The following CHDH variants were observed in gnomAD, a reference collection of about 807,000 sequenced individuals.
CHDH encodes the protein choline dehydrogenase, mitochondrial.
CHDH carries 43 observed loss-of-function variants against 56.9 expected under a neutral mutation model. That is an observed-to-expected ratio of 0.76 (90% CI 0.59 to 0.97). The LOEUF (loss-of-function observed/expected upper bound fraction) is 0.97, where lower values mean the gene tolerates loss of function less well. Ranked by LOEUF, CHDH falls within the 50% of genes least tolerant of loss-of-function variation. The pLI is 0.00. For missense variants in CHDH, 816 were observed against 821.1 expected, an observed-to-expected ratio of 0.99 and a Z score of 0.08; for synonymous variants, 364 against 348.5, an observed-to-expected ratio of 1.04 and a Z score of -0.50.
At chr3:53,839,915 A>T (rs1442580742) in intron 2 of CHDH, among the ~76,000 whole-genome samples, 1 of 152,218 alleles carries the variant, frequency 6.6e-6, no homozygotes, top group Admixed American at 6.5e-5. Flanking sequence ...ATTTGCAGCA[A>T]CACTGATGGA....
At chr3:53,820,048 G>A (rs2095623248) in intron 6 of CHDH, among the ~76,000 whole-genome samples, 1 of 152,180 alleles carries the variant, frequency 6.6e-6, no homozygotes, top group Admixed American at 6.5e-5. Context: ...CCATTTCCTG[G>A]CCCAGGCACA....
Position 53,819,381 on chromosome 3 carries a change from TG to T in CHDH, c.1263+150del. The T allele has an allele frequency of 9.6e-7, 1 of 1,041,684 alleles. No individual in the cohort carries two copies. The highest frequency in any genetic ancestry group is 1.4e-6 in the Non-Finnish European group (1 of 710,506). 64.5% of individuals were successfully genotyped at this position (1,041,684 alleles called of 1,614,324 possible). ...GCATGCACCACGCAGACTGACACGC[TG>T]GGCAGCTGGAAGGCAGGGGACAGGC... is the stretch of plus-strand genomic sequence containing the variant. On this transcript the variant is annotated intron_variant, in intron 7 of 8. Coordinates refer to ENST00000315251, the MANE Select transcript of CHDH (RefSeq NM_018397.5). The surrounding 1 kb of genome is among the most constrained non-coding windows in gnomAD (Gnocchi z 5.4).
chr3:53,817,147 C>T lies in CHDH; in HGVS notation c.*630G>A, dbSNP rs189477345. 6.6e-6 allele frequency: 1 copy of T among 152,660 alleles called. No homozygotes were observed. The highest frequency in any genetic ancestry group is 2.4e-5 in the African/African-American group (1 of 41,422). 9.5% of individuals were successfully genotyped at this position (152,660 alleles called of 1,614,324 possible). ...GCCCTGGTTTAATAAGAACCAGAGC[C>T]ACAACCCTCTCAGAGTGACCCAGTG... is the stretch of plus-strand genomic sequence containing the variant. On this transcript the variant is annotated 3_prime_UTR_variant, in exon 9 of 9. Coordinates refer to ENST00000315251, the MANE Select transcript of CHDH (RefSeq NM_018397.5).
Position 53,818,013 on chromosome 3 carries a change from T to TA in CHDH, c.1548dup (p.Lys517Ter). ...GTGGGATCGGAGGGCTGGCCCATCT[T>TA]ACAGGTGCACGAGGGGTGGTAGGCG... On this transcript the variant is annotated frameshift_variant, in exon 9 of 9. Coordinates refer to ENST00000315251, the MANE Select transcript of CHDH (RefSeq NM_018397.5). LOFTEE classifies it high-confidence loss of function. The TA allele has an allele frequency of 6.2e-7, 1 of 1,614,234 alleles. No homozygotes were observed. The highest frequency in any genetic ancestry group is 8.5e-7 in the Non-Finnish European group (1 of 1,180,042).
At chr3:53,833,271 TC>T (rs1010965604) in intron 2 of CHDH, among the ~76,000 whole-genome samples, 37 of 152,312 alleles carry the variant, frequency 2.4e-4, no homozygotes, top group African/African-American at 8.4e-4. Flanking sequence ...CATTTACTCT[TC>T]CGGGTCCCAA....
At position 53,819,184 on chromosome 3, in the gene CHDH, C is replaced by T. The variant is rs141367157; in HGVS notation, c.1264-144G>A. 3,800 of 635,210 alleles carry T rather than the reference C, an allele frequency of 6.0e-3. 20 individuals carry two copies. The highest frequency in any genetic ancestry group is 6.5e-3 in the Non-Finnish European group (2,349 of 363,072). The allele number at this position is 635,210 out of a possible 1,614,324, so 39.3% of individuals were successfully genotyped here. ...CATGTTAGCATTTGCCCGCATGGTA[C>T]CCACCTCCACGAGTGATTACAGACC... On this transcript the variant is annotated intron_variant, in intron 7 of 8. Transcript: ENST00000315251. This position sits in a 1 kb window ranked among gnomAD's most constrained non-coding sequence, Gnocchi z 5.4.
Position 53,813,966 on chromosome 3 carries a change from G to A in CHDH, c.*3811C>T, listed in dbSNP as rs2095611206. 6.6e-6 allele frequency: 1 copy of A among 152,224 alleles called. No homozygotes were observed. Among genetic ancestry groups the A allele is most frequent in the African/African-American group, 2.4e-5 (1 of 41,456 alleles). 9.4% of individuals were successfully genotyped at this position (152,224 alleles called of 1,614,324 possible). ...GAGAACCTCACTAAGAACCATCTCT[G>A]CTCAGCCTATGGACTCCGACATCCA... On this transcript the variant is annotated 3_prime_UTR_variant, in exon 9 of 9. Coordinates refer to ENST00000315251, the MANE Select transcript of CHDH (RefSeq NM_018397.5).
chr3:53,827,253 T>C (rs2095640658), intron 2 of CHDH, among the ~76,000 whole-genome samples: 1 of 152,190 alleles, frequency 6.6e-6, no homozygotes, highest in South Asian at 2.1e-4. Flanking sequence ...TGGTTGTTTA[T>C]AAGCGTGTGG....
chr3:53,823,744 G>A lies in CHDH; in HGVS notation c.265C>T (p.His89Tyr), dbSNP rs912795723. 4.2e-5 allele frequency: 65 copies of A among 1,556,474 alleles called. No homozygotes were observed. The highest frequency in any genetic ancestry group is 5.4e-5 in the Non-Finnish European group (62 of 1,151,480). ...TTGGCCACCAGGGCCGCGGGCATGTGGATCTTCCACGAGAGCCGCTTGCTC... is the reference window on the plus strand; with the variant it reads ...TTGGCCACCAGGGCCGCGGGCATGTAGATCTTCCACGAGAGCCGCTTGCTC... ...AGSKRLSWKIHMPAALVANLC... is the reference protein window; with the variant it reads ...AGSKRLSWKIYMPAALVANLC... Residue 89 changes from histidine to tyrosine, a missense_variant, in exon 3 of 9, where the codon CAC becomes TAC. Coordinates refer to ENST00000315251, the MANE Select transcript of CHDH (RefSeq NM_018397.5).
chr3:53,844,113 G>T (rs1004382520), intron 1 of CHDH, among the ~76,000 whole-genome samples: 2 of 152,274 alleles, frequency 1.3e-5, no homozygotes, highest in South Asian at 4.1e-4. Context: ...CCCCAACTAC[G>T]AAACTGAACC....
intron 3 of CHDH, 99 bp downstream of exon 3, chr3:53,823,207 T>G: frequency 8.6e-7 from 1 of 1,164,086 alleles, no homozygotes; most frequent in Non-Finnish European, 1.2e-6. Flanking sequence ...CCATGCCTCC[T>G]GACCATGCTG....
Position 53,838,988 on chromosome 3 carries a change from G to C in CHDH, c.-60+1941C>G, listed in dbSNP as rs62250939. On this transcript the variant is annotated intron_variant, in intron 2 of 8. Coordinates refer to ENST00000315251, the MANE Select transcript of CHDH (RefSeq NM_018397.5). ...CTCACAACATACTAGCAGTGTCCCT[G>C]CTACTAGTGCTGCCTCCTCAGGCTA... is the stretch of plus-strand genomic sequence containing the variant. 2.6e-5 allele frequency among the ~76,000 whole-genome samples: 4 copies of C among 152,222 alleles called. No individual in the cohort carries two copies. In the East Asian group the frequency reaches 7.7e-4, roughly 29 times the overall value.
intron 3 of CHDH, among the ~76,000 whole-genome samples, chr3:53,822,874 G>A (rs1245196434): frequency 1.3e-5 from 2 of 152,190 alleles, no homozygotes; most frequent in African/African-American, 2.4e-5. Context: ...CAAACAGGAG[G>A]ACACAGAGAC....
At position 53,813,128 on chromosome 3, in the gene CHDH, AAT is replaced by A. The variant is rs2095607897; in HGVS notation, c.*4647_*4648del. 1.1e-5 allele frequency: 1 copy of A among 92,116 alleles called. No homozygotes were observed. The highest frequency in any genetic ancestry group is 2.0e-5 in the Non-Finnish European group (1 of 50,304). 5.7% of individuals were successfully genotyped at this position (92,116 alleles called of 1,614,324 possible). A position where few individuals can be genotyped will look rare whatever the true frequency, so the allele number is the denominator to read the frequency against. ...TTTAATAGTATACAGACAACCTGTT[AAT>A]TTTTTTTTTTTTTTTTTTTTTTGTA... On this transcript the variant is annotated 3_prime_UTR_variant, in exon 9 of 9. Transcript: ENST00000315251.
At position 53,819,558 on chromosome 3, in the gene CHDH, C is replaced by A. The variant is rs749080484; in HGVS notation, c.1237G>T (p.Val413Phe). 5.6e-6 allele frequency: 9 copies of A among 1,611,884 alleles called. No homozygotes were observed. The highest frequency in any genetic ancestry group is 7.6e-6 in the Non-Finnish European group (9 of 1,178,832). Residue 413 changes from valine (V) to phenylalanine (F), a missense_variant, in exon 7 of 9, where the codon GTC (valine) becomes TTC (phenylalanine). By Grantham distance (50) the Val-to-Phe change is conservative. Transcript: ENST00000315251. This position sits in a 1 kb window ranked among gnomAD's most constrained non-coding sequence, Gnocchi z 5.4. ...TGGTAAGCCTCCTGCTGGGTGGGGACCCGCCCGTGGTCAATCACTTGGGAT... is the reference window on the plus strand; with the variant it reads ...TGGTAAGCCTCCTGCTGGGTGGGGAACCGCCCGTGGTCAATCACTTGGGAT... ...LPSQVIDHGR[V>F]PTQQEAYQVH...
In CHDH at chr3:53,823,907, G is replaced by T; in HGVS notation, c.102C>A (p.Gly34=). ...SLGARALASA[G]SESRDEYSYV... ...AGCTGTACTCGTCCCGGCTCTCAGA[G>T]CCTGCGCTGGCCAGGGCCCGGGCAC... The change falls in exon 3 of 9, where the codon GGC becomes GGA. Residue 34 remains glycine (G), a synonymous_variant. Transcript: ENST00000315251. 6.4e-7 allele frequency: 1 copy of T among 1,562,260 alleles called. No individual in the cohort carries two copies. Among genetic ancestry groups the T allele is most frequent in the South Asian group, 1.2e-5 (1 of 86,298 alleles).
intron 2 of CHDH, among the ~76,000 whole-genome samples, chr3:53,831,044 G>A (rs545976604): frequency 3.9e-5 from 6 of 152,324 alleles, no homozygotes; most frequent in Non-Finnish European, 5.9e-5. Context: ...CCACTGCCCT[G>A]AAGGGTGAGT....
rs374228042 is a variant in CHDH at position 53,834,252 on chromosome 3, GCCTGGCCA to G, written c.-60+6669_-60+6676del. ...ACTTGAGGTCAGAAGTTCAAAACCA[GCCTGGCCA>G]ACATGGTGAACCCTGTCTCTACTAA... On this transcript the variant is annotated intron_variant, in intron 2 of 8. Coordinates refer to ENST00000315251, the MANE Select transcript of CHDH (RefSeq NM_018397.5). Among the ~76,000 whole-genome samples the G allele has an allele frequency of 6.4e-4, 98 of 152,300 alleles. 2 individuals are homozygous for G. The South Asian group carries it at 0.019, about 30-fold the overall frequency.
chr3:53,830,075 C>T (rs920367472), intron 2 of CHDH, among the ~76,000 whole-genome samples: 3 of 152,034 alleles, frequency 2.0e-5, no homozygotes, highest in South Asian at 2.1e-4. Flanking sequence ...AAAACATTGA[C>T]AGAAGTTAAA....
Sources: gnomAD v4.1 joint callset for allele counts (sites outside exome capture counted in the v4.1 genomes callset) on GRCh38, gnomAD v4.1.1 for gene constraint, Gnocchi (gnomAD v3.1) non-coding constraint, MANE v1.5 for transcripts, NCBI Gene and HGNC (gene_info 2026-07-23, HGNC 2026-07-21) for gene names.